The following USP36 variants were observed in gnomAD, a reference collection of about 807,000 sequenced individuals.
USP36 encodes the protein ubiquitin carboxyl-terminal hydrolase 36.
Under a neutral mutation model 111.5 loss-of-function variants are expected in USP36, and 59 were observed. That is an observed-to-expected ratio of 0.53 (90% CI 0.43 to 0.66). The LOEUF is 0.66. USP36 is among the 30% of genes least tolerant of loss of function. The pLI is 0.00. For missense variants in USP36, 1,488 were observed against 1,468.0 expected (o/e 1.01, Z -0.22); for synonymous variants, 628 against 581.0 (o/e 1.08, Z -1.16).
Position 78,813,768 on chromosome 17 carries a change from A to G in USP36, c.1265+5T>C. 3 of 1,613,668 alleles carry G rather than the reference A, an allele frequency of 1.9e-6. No homozygotes were observed. Among genetic ancestry groups the G allele is most frequent in the Non-Finnish European group, 2.5e-6 (3 of 1,179,654 alleles). ...GCTCATCTGGGGAGGGCGTGAGTTT[A>G]TTACCGCAGATAGAACAGCACGTAG... On this transcript the variant is annotated splice_donor_5th_base_variant and intron_variant, in intron 12 of 20. Transcript: ENST00000449938.
At chr17:78,820,263 C>T (rs1056334100) in intron 8 of USP36, among the ~76,000 whole-genome samples, 4 of 152,114 alleles carry the variant, frequency 2.6e-5, no homozygotes, top group Admixed American at 2.0e-4. Context: ...TCATTGAGGC[C>T]AGGAGTTTGA....
chr17:78,796,502 G>A lies in USP36; in HGVS notation c.*1398C>T, dbSNP rs1472199140. On this transcript the variant is annotated 3_prime_UTR_variant, in exon 21 of 21. Coordinates refer to ENST00000449938, the MANE Select transcript of USP36 (RefSeq NM_001385174.1). ...TGATTCTCTCCCACCCTTCTAAGAA[G>A]AGAAACGTAAAAACAGAAGAAAATC... The A allele has an allele frequency of 6.6e-6, 1 of 152,124 alleles. No homozygotes were observed. Among genetic ancestry groups the A allele is most frequent in the African/African-American group, 2.4e-5 (1 of 41,402 alleles). The allele number at this position is 152,124 out of a possible 1,614,324, so 9.4% of individuals were successfully genotyped here. A position where few individuals can be genotyped will look rare whatever the true frequency, so the allele number is the denominator to read the frequency against.
chr17:78,790,151 C>T (rs1179700287), intron 3 of USP36, among the ~76,000 whole-genome samples: 3 of 151,956 alleles, frequency 2.0e-5, no homozygotes, highest in African/African-American at 7.2e-5. Context: ...TGCAATAGCG[C>T]GATCTCAGCT....
intron 8 of USP36, among the ~76,000 whole-genome samples, chr17:78,820,642 G>A (rs2094297043): frequency 6.6e-6 from 1 of 152,160 alleles, no homozygotes; most frequent in Non-Finnish European, 1.5e-5. Flanking sequence ...ACAAAGCCAA[G>A]GCTGCTCTCC....
At chr17:78,822,063 C>A in intron 6 of USP36, 59 bp from the exon 7 acceptor site, 1 of 1,583,584 alleles carries the variant, frequency 6.3e-7, no homozygotes, top group Non-Finnish European at 8.7e-7. Context: ...CGAGGGATGG[C>A]CCCATCCCAG....
At chr17:78,814,260 A>T in intron 11 of USP36, 152 bp downstream of exon 11, 1 of 1,068,576 alleles carries the variant, frequency 9.4e-7, no homozygotes, top group Non-Finnish European at 1.3e-6. Flanking sequence ...GCATCTTTTC[A>T]CTCCACGCAG....
intron 3 of USP36, among the ~76,000 whole-genome samples, chr17:78,787,970 G>A (rs1238906896): frequency 6.6e-6 from 1 of 152,070 alleles, no homozygotes; most frequent in Non-Finnish European, 1.5e-5. Flanking sequence ...GGAATTCCTG[G>A]GAGAGGCTGG....
chr17:78,818,576 C>G (rs2094242311), intron 10 of USP36, 91 bp downstream of exon 10: 1 of 1,094,930 alleles, frequency 9.1e-7, no homozygotes, highest in African/African-American at 1.5e-5. Context: ...TAAACAGCAG[C>G]TATCAAACTC....
At chr17:78,811,093 T>G (rs1466085641) in intron 13 of USP36, among the ~76,000 whole-genome samples, 2 of 133,940 alleles carry the variant, frequency 1.5e-5, no homozygotes, top group Non-Finnish European at 3.0e-5. Flanking sequence ...ATGGCGCCAC[T>G]GCACTCCAGC....
intron 1 of USP36, among the ~76,000 whole-genome samples, chr17:78,839,610 G>A (rs146014293): frequency 2.7e-4 from 41 of 152,284 alleles, no homozygotes; most frequent in African/African-American, 8.9e-4. Flanking sequence ...AGTTTCACTC[G>A]AGATAAGTAA....
chr17:78,822,983 C>T (rs1203190293), intron 6 of USP36: 4 of 396,458 alleles, frequency 1.0e-5, no homozygotes, highest in Admixed American at 4.4e-5. Context: ...TGGCACAAAG[C>T]GGGGCTGTTT....
Position 78,824,709 on chromosome 17 carries a change from T to C in USP36, c.689+2536A>G, listed in dbSNP as rs79953196. On this transcript the variant is annotated intron_variant, in intron 6 of 20. Transcript: ENST00000449938. ...AATATGACAGAATTGAGACCAAACT[T>C]TTCAGTCATAACAGGAAATGTGAAG... Among the ~76,000 whole-genome samples, 67 of 152,302 alleles carry C rather than the reference T, an allele frequency of 4.4e-4. 1 individual carries two copies. The East Asian group carries it at 0.013, about 29-fold the overall frequency.
chr17:78,813,958 C>G (rs1202330723), intron 11 of USP36, 85 bp from the exon 12 acceptor site: 1 of 1,123,852 alleles, frequency 8.9e-7, no homozygotes, highest in African/African-American at 1.6e-5. Context: ...AATAAAAAAT[C>G]TGTTAGTTGC....
In USP36 at chr17:78,835,539, C is replaced by T. The variant is rs74001296; in HGVS notation, c.254-38G>A. On this transcript the variant is annotated intron_variant, in intron 3 of 20. Transcript: ENST00000449938. ...GGGACAAGGGAAGAAAAGAGGAAGACGTAAGTCCACACACAGGTCGTCCAC... is the reference window on the plus strand; with the variant it reads ...GGGACAAGGGAAGAAAAGAGGAAGATGTAAGTCCACACACAGGTCGTCCAC... 1.3e-3 allele frequency: 2,001 copies of T among 1,553,214 alleles called. 27 individuals are homozygous for T. The African/African-American group carries it at 0.024, about 18-fold the overall frequency.
intron 17 of USP36, among the ~76,000 whole-genome samples, chr17:78,801,430 A>G (rs2093740271): frequency 6.6e-6 from 1 of 152,012 alleles, no homozygotes; most frequent in South Asian, 2.1e-4. Flanking sequence ...GGTCCTGCTG[A>G]CCCCCAGATG....
In USP36 at chr17:78,799,724, A is replaced by T. The variant is rs1286747456; in HGVS notation, c.3067T>A (p.Ser1023Thr). 6.2e-7 allele frequency: 1 copy of T among 1,611,262 alleles called. No individual in the cohort carries two copies. Among genetic ancestry groups the T allele is most frequent in the East Asian group, 2.2e-5 (1 of 44,548 alleles). Residue 1023 changes from serine (S) to threonine (T), a missense_variant, in exon 18 of 21, where the codon TCT becomes ACT. By Grantham distance (58) the Ser-to-Thr change is moderately conservative (BLOSUM62 1). Around this residue, in one of 3 missense-constraint regions of USP36, gnomAD observed 1,073 missense variants for 994.1 expected, o/e 1.08. Coordinates refer to ENST00000449938, the MANE Select transcript of USP36 (RefSeq NM_001385174.1). The stretch of plus-strand genomic sequence containing the variant: ...TTGAGCAGTTCCTGGACCACATCAG[A>T]CTCCCGCTCTCCATTCCAAGACACA... The part of the protein sequence containing the change: ...PPVSWNGERE[S>T]DVVQELLKYS...
intron 13 of USP36, among the ~76,000 whole-genome samples, chr17:78,811,357 A>G (rs899669369): frequency 6.6e-6 from 1 of 152,182 alleles, no homozygotes; most frequent in Admixed American, 6.5e-5. Context: ...CTCTGTATGT[A>G]TATGTACGTG....
chr17:78,836,404 G>C (rs745488086), intron 2 of USP36, 32 bp from the exon 3 acceptor site: 5 of 1,598,792 alleles, frequency 3.1e-6, no homozygotes, highest in South Asian at 2.2e-5. Flanking sequence ...TAGAGCCATA[G>C]ATAACGAAAT....
chr17:78,838,329 G>A (rs1282718735), intron 2 of USP36, among the ~76,000 whole-genome samples: 11 of 140,032 alleles, frequency 7.9e-5, no homozygotes, highest in Non-Finnish European at 6.0e-5. Flanking sequence ...CCGAGATCGC[G>A]CCACTGCACT....
Sources: gnomAD v4.1 joint callset for allele counts (sites outside exome capture counted in the v4.1 genomes callset) on GRCh38, gnomAD v4.1.1 for gene constraint, gnomAD v4.1.1 regional missense constraint, MANE v1.5 for transcripts, NCBI Gene and HGNC (gene_info 2026-07-23, HGNC 2026-07-21) for gene names.